The following YLPM1 variants were observed in gnomAD, a reference collection of about 807,000 sequenced individuals.
YLPM1 encodes the protein YLP motif-containing protein 1.
YLPM1 carries 99 observed loss-of-function variants against 230.0 expected under a neutral mutation model. That is an observed-to-expected ratio of 0.43 (90% confidence interval 0.37 to 0.51). The LOEUF (loss-of-function observed/expected upper bound fraction) is 0.51. YLPM1 is among the 20% of genes least tolerant of loss of function. The pLI is 0.00. For missense variants in YLPM1, 2,592 were observed against 2,707.7 expected, an observed-to-expected ratio of 0.96 and a Z score of 0.95; for synonymous variants, 984 against 942.5, an observed-to-expected ratio of 1.04 and a Z score of -0.81.
At chr14:74,830,446 A>C (rs1358110319) in intron 19 of YLPM1, among the ~76,000 whole-genome samples, 1 of 152,190 alleles carries the variant, frequency 6.6e-6, no homozygotes, top group Non-Finnish European at 1.5e-5. Context: ...TTTTCAGCTA[A>C]TCCATCTTGA....
intron 2 of YLPM1, among the ~76,000 whole-genome samples, chr14:74,780,066 A>G (rs796970659): frequency 8.9e-4 from 136 of 152,190 alleles, no homozygotes; most frequent in African/African-American, 3.2e-3. Flanking sequence ...GGCCTCCCAA[A>G]GTTCTGGGAT....
intron 18 of YLPM1, among the ~76,000 whole-genome samples, chr14:74,826,717 A>T (rs1016395519): frequency 1.3e-5 from 2 of 152,216 alleles, no homozygotes; most frequent in African/African-American, 4.8e-5. Flanking sequence ...TACCTCTGGC[A>T]TGGAGTTGTT....
In YLPM1 at chr14:74,799,662, C is replaced by A; in HGVS notation, c.4365C>A (p.Ile1455=). The A allele has an allele frequency of 6.2e-7, 1 of 1,611,894 alleles. No homozygotes were observed. The highest frequency in any genetic ancestry group is 1.3e-5 in the African/African-American group (1 of 74,994). Reference sequence around the variant, plus strand: ...TTCTCAGTCAGAGGCAGCATGAAATCATTTTGAAAGCTGCACAAGAACTGA... The same window carrying A: ...TTCTCAGTCAGAGGCAGCATGAAATAATTTTGAAAGCTGCACAAGAACTGA... ...VMVLSQRQHE[I]ILKAAQELKM... The change falls in exon 5 of 21, where the codon ATC becomes ATA. Residue 1455 remains isoleucine (I), a synonymous_variant. Coordinates refer to ENST00000325680, the MANE Select transcript of YLPM1 (RefSeq NM_019589.3).
chr14:74,816,979 A>G lies in YLPM1; in HGVS notation c.5734A>G (p.Ser1912Gly). The G allele has an allele frequency of 1.2e-6, 2 of 1,607,656 alleles. No individual in the cohort carries two copies. The highest frequency in any genetic ancestry group is 1.7e-6 in the Non-Finnish European group (2 of 1,177,874). The change falls in exon 14 of 21, where the codon AGC becomes GGC. Residue 1912 changes from serine to glycine, a missense_variant. Around this residue, in one of 4 missense-constraint regions of YLPM1, gnomAD observed 315 missense variants for 429.3 expected, o/e 0.73. Transcript: ENST00000325680. ...EAEMEETYRT[S>G]MFKTFKKTLD... ...TGAGATGGAGGAGACTTACCGCACC[A>G]GCATGTTCAAAACTTTCAAAAAGAC...
At chr14:74,823,551 G>T (rs956718392) in intron 17 of YLPM1, among the ~76,000 whole-genome samples, 1 of 152,070 alleles carries the variant, frequency 6.6e-6, no homozygotes, top group East Asian at 1.9e-4. Flanking sequence ...GATGTAAGTT[G>T]CCAGTGGAGA....
At position 74,797,697 on chromosome 14, in the gene YLPM1, C is replaced by T. The variant is rs779776164; in HGVS notation, c.2400C>T (p.His800=). The T allele has an allele frequency of 2.0e-5, 32 of 1,613,038 alleles. No individual in the cohort carries two copies. The highest frequency in any genetic ancestry group is 2.7e-5 in the Non-Finnish European group (32 of 1,179,432). The change falls in exon 5 of 21, where the codon CAC becomes CAT. Residue 800 remains histidine, a synonymous_variant. Coordinates refer to ENST00000325680, the MANE Select transcript of YLPM1 (RefSeq NM_019589.3). ...PDGPRPRYEG[H]PAEGTKSKWG... ...GGCCAAGACCCAGATATGAAGGTCA[C>T]CCAGCAGAGGGCACTAAAAGCAAGT...
At chr14:74,826,009 T>C (rs2091558724) in intron 18 of YLPM1, among the ~76,000 whole-genome samples, 1 of 152,244 alleles carries the variant, frequency 6.6e-6, no homozygotes, top group South Asian at 2.1e-4. Flanking sequence ...TTTTCAGTTT[T>C]AAAGACAGAA....
In YLPM1 at chr14:74,780,464, G is replaced by T; in HGVS notation, c.1170G>T (p.Trp390Cys). The change falls in exon 3 of 21, where the codon TGG becomes TGT. Residue 390 changes from tryptophan to cysteine, a missense_variant. By Grantham distance (215) the Trp-to-Cys change is radical (BLOSUM62 -2). Around this residue, in one of 4 missense-constraint regions of YLPM1, gnomAD observed 1,862 missense variants for 1,819.8 expected, o/e 1.02. Coordinates refer to ENST00000325680, the MANE Select transcript of YLPM1 (RefSeq NM_019589.3). ...AGTTGCAGGCTGCAGCAGCACACTG[G>T]CAGCAGCACCAGCAGCATCGAGTCG... ...LKQLQAAAAH[W>C]QQHQQHRVGF... 1 of 1,613,922 alleles carries T rather than the reference G, an allele frequency of 6.2e-7. No individual in the cohort carries two copies. Among genetic ancestry groups the T allele is most frequent in the Non-Finnish European group, 8.5e-7 (1 of 1,179,848 alleles).
chr14:74,818,715 G>C (rs2091498218), intron 16 of YLPM1, among the ~76,000 whole-genome samples: 1 of 151,990 alleles, frequency 6.6e-6, no homozygotes, highest in Non-Finnish European at 1.5e-5. Context: ...TAAATTTCTT[G>C]AATTATCTCA....
chr14:74,785,956 A>G (rs2091145611), intron 4 of YLPM1, among the ~76,000 whole-genome samples: 1 of 152,176 alleles, frequency 6.6e-6, no homozygotes, highest in Non-Finnish European at 1.5e-5. Context: ...CTGTCATATC[A>G]ATGGATGTTG....
At position 74,798,986 on chromosome 14, in the gene YLPM1, G is replaced by A. The variant is rs2091295178; in HGVS notation, c.3689G>A (p.Cys1230Tyr). The A allele has an allele frequency of 1.9e-6, 3 of 1,613,894 alleles. No individual in the cohort carries two copies. Among genetic ancestry groups the A allele is most frequent in the African/African-American group, 2.7e-5 (2 of 75,034 alleles). Residue 1230 changes from cysteine to tyrosine, a missense_variant, in exon 5 of 21, where the codon TGT becomes TAT. Coordinates refer to ENST00000325680, the MANE Select transcript of YLPM1 (RefSeq NM_019589.3). The part of the protein sequence containing the change: ...DWDRERYWRE[C>Y]ERDYQDDTLE... ...GATAGAGAGAGATACTGGAGAGAAT[G>A]TGAACGTGACTATCAAGATGATACA...
intron 1 of YLPM1, 84 bp downstream of exon 1, chr14:74,764,446 C>T: frequency 1.4e-6 from 2 of 1,425,422 alleles, no homozygotes; most frequent in South Asian, 1.5e-5. Context: ...AGTGGTTAGT[C>T]TAATTCCAAC....
At chr14:74,813,604 AT>A (rs200751709) in intron 11 of YLPM1, among the ~76,000 whole-genome samples, 7 of 149,498 alleles carry the variant, frequency 4.7e-5, no homozygotes, top group Admixed American at 1.3e-4. Context: ...ATACATTCAC[AT>A]TTTTTTTTTA....
intron 6 of YLPM1, among the ~76,000 whole-genome samples, chr14:74,802,948 A>T (rs2091342217): frequency 1.3e-5 from 2 of 152,146 alleles, no homozygotes; most frequent in Non-Finnish European, 2.9e-5. Context: ...GAATTTTTCT[A>T]ATAATTTTTA....
intron 4 of YLPM1, among the ~76,000 whole-genome samples, chr14:74,790,959 T>C (rs868749559): frequency 6.6e-6 from 1 of 152,208 alleles, no homozygotes; most frequent in Non-Finnish European, 1.5e-5. Flanking sequence ...AGTCCAGTAA[T>C]AGACAGGTGC....
chr14:74,797,628 A>G lies in YLPM1; in HGVS notation c.2331A>G (p.Gly777=). 6.4e-7 allele frequency: 1 copy of G among 1,550,650 alleles called. No individual in the cohort carries two copies. The highest frequency in any genetic ancestry group is 8.7e-7 in the Non-Finnish European group (1 of 1,150,292). ...RFEDLGSRCE[G]PRPKGPRFEG... is the part of the protein sequence containing the mutation. ...AGGATTTAGGGTCAAGGTGTGAAGG[A>G]CCGAGACCCAAAGGGCCTCGTTTTG... is the stretch of plus-strand genomic sequence containing the variant. The change falls in exon 5 of 21, where the codon GGA becomes GGG. Residue 777 remains glycine, a synonymous_variant. Transcript: ENST00000325680.
intron 1 of YLPM1, among the ~76,000 whole-genome samples, chr14:74,773,781 C>T (rs976183266): frequency 7.8e-6 from 1 of 128,116 alleles, no homozygotes; most frequent in African/African-American, 3.1e-5. Flanking sequence ...AGTGCAATGG[C>T]ACGATCTCGG....
intron 19 of YLPM1, among the ~76,000 whole-genome samples, chr14:74,833,023 T>G (rs954147434): frequency 1.1e-4 from 17 of 147,968 alleles, no homozygotes; most frequent in African/African-American, 3.9e-4. Context: ...CTGTGGGCTG[T>G]TTACTTTTTC....
chr14:74,798,860 C>G lies in YLPM1; in HGVS notation c.3563C>G (p.Pro1188Arg), dbSNP rs369344708. The change falls in exon 5 of 21, where the codon CCT becomes CGT. Residue 1188 changes from proline (P) to arginine (R), a missense_variant. By Grantham distance (103) the Pro-to-Arg change is moderately radical. Coordinates refer to ENST00000325680, the MANE Select transcript of YLPM1 (RefSeq NM_019589.3). Reference protein sequence around the residue: ...EKMYPYHRDEPPRAPWNHGEE... With the variant: ...EKMYPYHRDERPRAPWNHGEE... Reference sequence around the variant, plus strand: ...ATGTATCCATATCACCGGGATGAGCCTCCTAGGGCTCCATGGAACCATGGA... The same window carrying G: ...ATGTATCCATATCACCGGGATGAGCGTCCTAGGGCTCCATGGAACCATGGA... 2 of 1,613,794 alleles carry G rather than the reference C, an allele frequency of 1.2e-6. No homozygotes were observed. Among genetic ancestry groups the G allele is most frequent in the Non-Finnish European group, 1.7e-6 (2 of 1,179,806 alleles).
Sources: gnomAD v4.1 joint callset for allele counts (sites outside exome capture counted in the v4.1 genomes callset) on GRCh38, gnomAD v4.1.1 for gene constraint, gnomAD v4.1.1 regional missense constraint, MANE v1.5 for transcripts, NCBI Gene and HGNC (gene_info 2026-07-23, HGNC 2026-07-21) for gene names.